SRP19: variants seen among roughly 807,000 people sequenced by gnomAD.
SRP19 encodes signal recognition particle 19.
In SRP19, 11 loss-of-function variants were observed where a neutral mutation model predicts 22.4. The observed-to-expected ratio is 0.49, with a 90% CI of 0.31 to 0.81. The LOEUF (loss-of-function observed/expected upper bound fraction) is 0.81. SRP19 is among the 40% of genes least tolerant of loss of function. The pLI is 0.05. For synonymous variants in SRP19, 61 were observed against 57.6 expected (o/e 1.06, Z -0.27); for missense variants, 168 against 175.9 (o/e 0.96, Z 0.25).
exon 5 of SRP19, chr5:112,891,661 A>G (rs1459938363): frequency 6.2e-7 from 1 of 1,611,904 alleles, no homozygotes; most frequent in Non-Finnish European, 8.5e-7. Flanking sequence ...TGAGAAGATG[A>G]CGTTTCCCAA....
intron 4 of SRP19, among the ~76,000 whole-genome samples, chr5:112,875,021 C>T (rs1197775925): frequency 6.6e-6 from 1 of 152,124 alleles, no homozygotes; most frequent in Admixed American, 6.6e-5. Flanking sequence ...GGTGATCCAC[C>T]CACCTTGGCC....
chr5:112,878,181 C>CTAAAG (rs781594878), intron 4 of SRP19: 16 of 152,608 alleles, frequency 1.0e-4, no homozygotes, highest in African/African-American at 2.9e-4. Flanking sequence ...CACGTATTTC[C>CTAAAG]TAAAGTATTA....
At chr5:112,885,279 C>A in intron 4 of SRP19, 1 of 172,252 alleles carries the variant, frequency 5.8e-6, no homozygotes, top group Non-Finnish European at 1.3e-5. Context: ...CTGCCAGAGA[C>A]AGAAAGCAAG....
exon 5 of SRP19, chr5:112,891,868 C>A: frequency 6.8e-7 from 1 of 1,465,888 alleles, no homozygotes; most frequent in Non-Finnish European, 9.6e-7. Context: ...GGAAAGATTA[C>A]ATGAGGAGTG....
rs34475290 is a variant in SRP19, at chr5:112,890,369, C to CTT, written c.302-1222_302-1221dup. Reference sequence around the variant, plus strand: ...AGAATAAAGAACACAAAATTTAAGTCTTTTTTTTTTTTTAAATAAAAAAGG... The same window carrying CTT: ...AGAATAAAGAACACAAAATTTAAGTCTTTTTTTTTTTTTTTAAATAAAAAAGG... On this transcript the variant is annotated intron_variant, in intron 4 of 4. Coordinates refer to the SRP19 transcript ENST00000391338. 3.1e-4 allele frequency among the ~76,000 whole-genome samples: 44 copies of CTT among 143,382 alleles called. 1 individual carries two copies. The highest frequency in any genetic ancestry group is 9.7e-4 in the African/African-American group (37 of 37,994). The allele number at this position is 143,382 out of a possible 152,430, so 94.1% of individuals were successfully genotyped here. A position where few individuals can be genotyped will look rare whatever the true frequency, so the allele number is the denominator to read the frequency against.
At chr5:112,891,938 C>T (rs550072734) in exon 5 of SRP19, 37 of 1,252,310 alleles carry the variant, frequency 3.0e-5, no homozygotes, top group African/African-American at 4.4e-5. Flanking sequence ...AAGGAAGAGG[C>T]GGCTAAAAAA....
At chr5:112,875,734 G>C (rs114865968) in intron 4 of SRP19, among the ~76,000 whole-genome samples, 1,991 of 151,260 alleles carry the variant, frequency 0.013, 55 homozygotes, top group African/African-American at 0.045. Context: ...AGCATAATTT[G>C]GAGGCACATG....
chr5:112,861,341 C>T lies in SRP19; in HGVS notation c.-36C>T, dbSNP rs370035497. The T allele has an allele frequency of 3.2e-5, 51 of 1,613,916 alleles. No individual in the cohort carries two copies. Among genetic ancestry groups the T allele is most frequent in the Non-Finnish European group, 3.8e-5 (45 of 1,179,852 alleles). ...CCTCCCGGGTTTCTGCCGGGTTTCT[C>T]CCTGCGGCTCCTGGGTTGTTGAGAC... On this transcript the variant is annotated 5_prime_UTR_variant, in exon 1 of 5. Coordinates refer to ENST00000505459, the MANE Select transcript of SRP19 (RefSeq NM_003135.3).
chr5:112,891,307 A>G (rs1325287984), intron 4 of SRP19, among the ~76,000 whole-genome samples: 1 of 152,122 alleles, frequency 6.6e-6, no homozygotes, highest in Non-Finnish European at 1.5e-5. Flanking sequence ...TCCTGGCCTC[A>G]GGTGATCCGC....
intron 4 of SRP19, 34 bp downstream of exon 4, chr5:112,864,766 G>C (rs991185759): frequency 6.6e-7 from 1 of 1,520,462 alleles, no homozygotes; most frequent in African/African-American, 1.4e-5. Flanking sequence ...TGGGGCTCAG[G>C]GATAGGTTTC....
chr5:112,891,457 C>A (rs1175286778), intron 4 of SRP19: 7 of 696,300 alleles, frequency 1.0e-5, no homozygotes, highest in Non-Finnish European at 1.6e-5. Flanking sequence ...AAAAGTCTAA[C>A]TGCAATATAA....
intron 2 of SRP19, 57 bp downstream of exon 2, chr5:112,862,640 C>A: frequency 6.7e-7 from 1 of 1,498,838 alleles, no homozygotes; most frequent in South Asian, 1.1e-5. Context: ...TCATCCTGGT[C>A]GGGCCACGTA....
At chr5:112,878,881 C>A in intron 4 of SRP19, 1 of 1,613,486 alleles carries the variant, frequency 6.2e-7, no homozygotes, top group Non-Finnish European at 8.5e-7. Context: ...AAAGCTCTTT[C>A]TTTGGAATGC....
rs1220634587 is a variant in SRP19, at chr5:112,862,501, A to G, written c.42-7A>G. 1.9e-6 allele frequency: 3 copies of G among 1,612,976 alleles called. No homozygotes were observed. Among genetic ancestry groups the G allele is most frequent in the Non-Finnish European group, 2.5e-6 (3 of 1,179,024 alleles). On this transcript the variant is annotated splice_polypyrimidine_tract_variant and splice_region_variant and intron_variant, in intron 1 of 4. Coordinates refer to ENST00000505459, the MANE Select transcript of SRP19 (RefSeq NM_003135.3). ...AGTGATACCACTTATGCTATTGTCT[A>G]TGGCAGGTTTATTTGTATCTATCCT... is the stretch of plus-strand genomic sequence containing the variant.
downstream of SRP19, among the ~76,000 whole-genome samples, chr5:112,873,271 CTTTTT>C (rs35379154): frequency 2.0e-5 from 1 of 50,720 alleles, no homozygotes; most frequent in African/African-American, 8.7e-5. Flanking sequence ...CTCAGGTTTT[CTTTTT>C]TTTTTTTTTT....
At chr5:112,895,238 A>AAAAAAAG (rs1768646027), downstream of SRP19, 2 of 12,126 alleles carry the variant, frequency 1.6e-4, no homozygotes, top group African/African-American at 2.8e-4. Flanking sequence ...ACTCTGTCTC[A>AAAAAAAG]AAAAAAAAAA....
At position 112,890,971 on chromosome 5, in the gene SRP19, G is replaced by C. The variant is rs540493502; in HGVS notation, c.302-632G>C. ...ACTTTCTCTGACCCAAGAATACTGT[G>C]TTTTCTAACAACATCTATGAAACAT... is the stretch of plus-strand genomic sequence containing the variant. On this transcript the variant is annotated intron_variant, in intron 4 of 4. Transcript: ENST00000391338. 2.3e-4 allele frequency among the ~76,000 whole-genome samples: 35 copies of C among 150,936 alleles called. 2 individuals are homozygous for C. Among genetic ancestry groups the C allele is most frequent in the Admixed American group, 7.9e-4 (12 of 15,160 alleles).
In SRP19 at chr5:112,867,456, G is replaced by A. The variant is rs778001899; in HGVS notation, c.354G>A (p.Arg118=). 1.2e-6 allele frequency: 2 copies of A among 1,613,886 alleles called. 1 individual carries two copies. Among genetic ancestry groups the A allele is most frequent in the South Asian group, 2.2e-5 (2 of 91,076 alleles). ...AAATGATACCTAAACTAAAAACAAG[G>A]ACACAAAAAACAGGAGGTGCTGACC... The part of the protein sequence containing the change: ...AAEMIPKLKT[R]TQKTGGADQS... Residue 118 remains arginine, a synonymous_variant, in exon 5 of 5, where the codon AGG becomes AGA. Transcript: ENST00000505459.
intron 2 of SRP19, among the ~76,000 whole-genome samples, chr5:112,862,891 A>G (rs1261407447): frequency 1.3e-5 from 2 of 152,228 alleles, no homozygotes; most frequent in Non-Finnish European, 2.9e-5. Context: ...GATATAGGAA[A>G]TCAAAATTAT....
Sources: allele counts gnomAD v4.1 joint callset (sites outside exome capture counted in the v4.1 genomes callset), GRCh38; gene constraint gnomAD v4.1.1; transcripts MANE v1.5; gene names NCBI Gene and HGNC (gene_info 2026-07-23, HGNC 2026-07-21).